The following FRMD4A variants were observed in gnomAD, a reference collection of about 807,000 sequenced individuals.
FRMD4A encodes the protein FERM domain containing 4A.
In FRMD4A, 29 loss-of-function variants were observed where a neutral mutation model predicts 129.1. That is an observed-to-expected ratio of 0.22 (90% CI 0.17 to 0.31). The LOEUF is 0.31. FRMD4A is among the 10% of genes least tolerant of loss of function. FRMD4A has a pLI of 1.00. For missense variants in FRMD4A, 1,272 were observed against 1,375.8 expected, an observed-to-expected ratio of 0.92 and a Z score of 1.19; for synonymous variants, 634 against 571.6, an observed-to-expected ratio of 1.11 and a Z score of -1.56.
chr10:14,137,311 A>C (rs183387338), intron 2 of FRMD4A, among the ~76,000 whole-genome samples: 245 of 152,366 alleles, frequency 1.6e-3, no homozygotes, highest in Middle Eastern at 0.014. Flanking sequence ...TGCAGTCTAC[A>C]CACAAGCACA....
chr10:14,029,457 G>A (rs1176621029), intron 2 of FRMD4A, among the ~76,000 whole-genome samples: 2 of 152,254 alleles, frequency 1.3e-5, no homozygotes, highest in African/African-American at 2.4e-5. Context: ...GATTAATTCA[G>A]TTCATATCAA....
intron 2 of FRMD4A, among the ~76,000 whole-genome samples, chr10:13,924,991 G>A (rs2095114294): frequency 6.6e-6 from 1 of 151,090 alleles, no homozygotes; most frequent in African/African-American, 2.4e-5. Context: ...TTGAACCTGG[G>A]AGGCGGAGGT....
chr10:14,163,754 A>G (rs75936678), intron 2 of FRMD4A, among the ~76,000 whole-genome samples: 3,561 of 152,308 alleles, frequency 0.023, 66 homozygotes, highest in Non-Finnish European at 0.037. Context: ...AAGGAACAGA[A>G]TTACTGCAAA....
chr10:13,828,982 G>A (rs1215217273), intron 3 of FRMD4A, among the ~76,000 whole-genome samples: 2 of 152,128 alleles, frequency 1.3e-5, no homozygotes, highest in Non-Finnish European at 2.9e-5. Context: ...CCCAGTAATG[G>A]GACTGCTGGG....
chr10:14,130,050 G>A (rs553212523), intron 2 of FRMD4A, among the ~76,000 whole-genome samples: 5 of 152,168 alleles, frequency 3.3e-5, no homozygotes, highest in South Asian at 2.1e-4. Flanking sequence ...CTGCCGCAGC[G>A]CTTGCGGGCC....
chr10:13,685,181 T>A, intron 15 of FRMD4A: 1 of 985,150 alleles, frequency 1.0e-6, no homozygotes, highest in Non-Finnish European at 1.2e-6. Flanking sequence ...GAACTTTTCA[T>A]CAGGCTTAGA....
chr10:13,674,331 C>T (rs1056535940), intron 16 of FRMD4A, among the ~76,000 whole-genome samples: 15 of 152,256 alleles, frequency 9.9e-5, no homozygotes, highest in Non-Finnish European at 1.5e-4. Context: ...GGCACTATCA[C>T]GTGAGGAGAT....
In FRMD4A at chr10:13,833,409, C is replaced by T. The variant is rs186259777; in HGVS notation, c.112-22501G>A. Among the ~76,000 whole-genome samples the T allele has an allele frequency of 3.2e-4, 49 of 152,280 alleles. 1 individual carries two copies. In the East Asian group the frequency reaches 9.1e-3, roughly 28 times the overall value. Reference sequence around the variant, plus strand: ...GTCCCCAGGATGCAATTATCTCCACCTGTCCCTGTCCTTGACACATGGGAA... The same window carrying T: ...GTCCCCAGGATGCAATTATCTCCACTTGTCCCTGTCCTTGACACATGGGAA... On this transcript the variant is annotated intron_variant, in intron 3 of 24. Coordinates refer to ENST00000357447, the MANE Select transcript of FRMD4A (RefSeq NM_018027.5).
At chr10:13,729,371 GCAAGGAGAAAGCGAGC>G in intron 12 of FRMD4A, 1 of 152,304 alleles carries the variant, frequency 6.6e-6, no homozygotes, top group African/African-American at 2.4e-5. Context: ...CAGAGGCCCA[GCAAGGAGAAAGCGAGC>G]CAAGGCAAAC....
intron 12 of FRMD4A, among the ~76,000 whole-genome samples, chr10:13,735,139 C>T (rs751571683): frequency 5.9e-5 from 9 of 152,230 alleles, no homozygotes; most frequent in Non-Finnish European, 1.0e-4. Flanking sequence ...TCCCAAAGTG[C>T]TGGGATTACA....
intron 2 of FRMD4A, among the ~76,000 whole-genome samples, chr10:14,030,529 A>T (rs765012196): frequency 2.6e-5 from 4 of 152,224 alleles, no homozygotes; most frequent in Non-Finnish European, 5.9e-5. Context: ...CCTTCAAACT[A>T]CAAAGAGAGA....
intron 2 of FRMD4A, among the ~76,000 whole-genome samples, chr10:13,932,579 T>G (rs545809388): frequency 6.6e-6 from 1 of 152,238 alleles, no homozygotes; most frequent in Non-Finnish European, 1.5e-5. Flanking sequence ...CAGCCAATAC[T>G]GTTGGTTCAT....
At chr10:14,017,945 G>C (rs760485597) in intron 2 of FRMD4A, among the ~76,000 whole-genome samples, 1 of 152,194 alleles carries the variant, frequency 6.6e-6, no homozygotes, top group Non-Finnish European at 1.5e-5. Context: ...AGTGCAAGCT[G>C]TGACCAGAAT....
chr10:13,828,911 G>A (rs1219675894), intron 3 of FRMD4A, among the ~76,000 whole-genome samples: 1 of 152,194 alleles, frequency 6.6e-6, no homozygotes, highest in African/African-American at 2.4e-5. Flanking sequence ...ATAGTGCTGT[G>A]ATAAACATAC....
chr10:13,858,036 C>T (rs2094237566), intron 3 of FRMD4A, among the ~76,000 whole-genome samples: 1 of 152,132 alleles, frequency 6.6e-6, no homozygotes, highest in Non-Finnish European at 1.5e-5. Flanking sequence ...CAAGTGATGC[C>T]AATGTCAACT....
chr10:13,792,638 A>G (rs1003328369), intron 5 of FRMD4A, among the ~76,000 whole-genome samples: 3 of 152,246 alleles, frequency 2.0e-5, no homozygotes, highest in African/African-American at 7.2e-5. Flanking sequence ...ATTAACAATC[A>G]GCCTTAGCAA....
At chr10:13,914,065 G>A (rs1203276990) in intron 2 of FRMD4A, among the ~76,000 whole-genome samples, 1 of 152,156 alleles carries the variant, frequency 6.6e-6, no homozygotes, top group Non-Finnish European at 1.5e-5. Context: ...CAAAGCCCTG[G>A]GCAGTCATTC....
At chr10:13,834,387 G>C (rs772667610) in intron 3 of FRMD4A, among the ~76,000 whole-genome samples, 3 of 152,070 alleles carry the variant, frequency 2.0e-5, no homozygotes, top group Non-Finnish European at 2.9e-5. Context: ...CCGGTCTCTG[G>C]ACACAAATTA....
At chr10:14,109,803 C>T (rs1296250827) in intron 2 of FRMD4A, among the ~76,000 whole-genome samples, 1 of 151,512 alleles carries the variant, frequency 6.6e-6, no homozygotes, top group Non-Finnish European at 1.5e-5. Flanking sequence ...GAAACCCTGT[C>T]TCTACTAAAA....
Sources: allele counts gnomAD v4.1 joint callset (sites outside exome capture counted in the v4.1 genomes callset), GRCh38; gene constraint gnomAD v4.1.1; transcripts MANE v1.5; gene names NCBI Gene and HGNC (gene_info 2026-07-23, HGNC 2026-07-21).